PABPN1: variants seen among roughly 807,000 people sequenced by gnomAD.
The protein encoded by PABPN1 is poly(A) binding protein nuclear 1.
PABPN1 carries 5 observed loss-of-function variants against 33.4 expected under a neutral mutation model. The observed-to-expected ratio is 0.15, with a 90% CI of 0.08 to 0.32. The LOEUF (loss-of-function observed/expected upper bound fraction) is 0.32. Ranked by LOEUF, PABPN1 falls within the 10% of genes least tolerant of loss-of-function variation. The pLI, the probability that PABPN1 is intolerant of heterozygous loss-of-function variation, is 1.00. For missense variants in PABPN1, 312 were observed against 425.8 expected (o/e 0.73, Z 2.35); for synonymous variants, 176 against 170.6 (o/e 1.03, Z -0.25).
intron 2 of PABPN1, 131 bp downstream of exon 2, chr14:23,322,426 G>T: frequency 1.2e-6 from 1 of 815,506 alleles, no homozygotes. Context: ...CTGTGCCGCG[G>T]TCATAGTCCG....
chr14:23,322,963 G>A (rs760424789), intron 2 of PABPN1, 36 bp from the exon 3 acceptor site: 2 of 1,613,748 alleles, frequency 1.2e-6, no homozygotes, highest in South Asian at 2.2e-5. Flanking sequence ...GAAAACAAGT[G>A]TGTGGTTTTT....
intron 4 of PABPN1, 43 bp from the exon 5 acceptor site, chr14:23,323,922 G>T: frequency 6.2e-7 from 1 of 1,605,882 alleles, no homozygotes; most frequent in Non-Finnish European, 8.5e-7. Flanking sequence ...TGACCTGTGA[G>T]GTATTTGTAA....
At chr14:23,323,152 A>G in intron 3 of PABPN1, 86 bp downstream of exon 3, 1 of 1,579,518 alleles carries the variant, frequency 6.3e-7, no homozygotes, top group African/African-American at 1.4e-5. Context: ...CATCTCCGGG[A>G]TAGATGTGGT....
chr14:23,321,927 G>GT, intron 1 of PABPN1, 107 bp downstream of exon 1: 1 of 458,118 alleles, frequency 2.2e-6, no homozygotes, highest in Non-Finnish European at 4.0e-6. Context: ...GTTGGGCGGG[G>GT]AATAACGTGG....
In PABPN1 at chr14:23,322,999, C is replaced by T; in HGVS notation, c.467C>T (p.Ala156Val). Residue 156 changes from alanine (A) to valine (V), a missense_variant and splice_region_variant, in exon 3 of 7, where the codon GCT (alanine) becomes GTT (valine). Around this residue, in one of 3 missense-constraint regions of PABPN1, gnomAD observed 77 missense variants for 185.7 expected, o/e 0.41. Coordinates refer to ENST00000216727, the MANE Select transcript of PABPN1 (RefSeq NM_004643.4). The part of the protein sequence containing the change: ...QMNMSPPPGN[A>V]GPVIMSIEEK... ...GTAAAAAATTATTTTTTCCTGATAG[C>T]TGGCCCGGTGATCATGTCCATTGAG... 6.2e-7 allele frequency: 1 copy of T among 1,614,148 alleles called. No individual in the cohort carries two copies. The highest frequency in any genetic ancestry group is 8.5e-7 in the Non-Finnish European group (1 of 1,180,034).
At chr14:23,322,737 C>T in intron 2 of PABPN1, 1 of 530,154 alleles carries the variant, frequency 1.9e-6, no homozygotes, top group Middle Eastern at 4.9e-4. Flanking sequence ...CAAAGCCATT[C>T]ATTAGGGATT....
At chr14:23,325,207 A>G (rs1888656177) in intron 6 of PABPN1, 40 bp from the exon 7 acceptor site, 1 of 1,613,202 alleles carries the variant, frequency 6.2e-7, no homozygotes, top group South Asian at 1.1e-5. Flanking sequence ...TGAACTATCT[A>G]GTGATCACGT....
At chr14:23,325,146 C>T (rs1855681731) in intron 6 of PABPN1, 101 bp from the exon 7 acceptor site, 6 of 1,528,944 alleles carry the variant, frequency 3.9e-6, no homozygotes, top group African/African-American at 2.7e-5. Context: ...TTCTTTTCCC[C>T]CCTTCCCTTC....
intron 1 of PABPN1, 50 bp from the exon 2 acceptor site, chr14:23,322,131 T>A (rs778590544): frequency 3.2e-6 from 5 of 1,549,464 alleles, no homozygotes; most frequent in Non-Finnish European, 4.4e-6. Context: ...GCACAGCCCC[T>A]GCGTTGGTTC....
Position 23,323,009 on chromosome 14 carries a change from G to A in PABPN1, c.477G>A (p.Val159=). ...ATTTTTTCCTGATAGCTGGCCCGGTGATCATGTCCATTGAGGAGAAGATGG... is the reference window on the plus strand; with the variant it reads ...ATTTTTTCCTGATAGCTGGCCCGGTAATCATGTCCATTGAGGAGAAGATGG... ...MSPPPGNAGP[V]IMSIEEKMEA... Residue 159 remains valine, a synonymous_variant, in exon 3 of 7, where the codon GTG becomes GTA. Transcript: ENST00000216727. 1.2e-6 allele frequency: 2 copies of A among 1,614,150 alleles called. No homozygotes were observed. The highest frequency in any genetic ancestry group is 1.7e-6 in the Non-Finnish European group (2 of 1,180,034).
At position 23,325,348 on chromosome 14, in the gene PABPN1, T is replaced by TG; in HGVS notation, c.*62_*63insG. 1 of 1,409,224 alleles carries TG rather than the reference T, an allele frequency of 7.1e-7. No individual in the cohort carries two copies. The highest frequency in any genetic ancestry group is 9.3e-7 in the Non-Finnish European group (1 of 1,073,024). 87.3% of individuals were successfully genotyped at this position (1,409,224 alleles called of 1,614,324 possible). On this transcript the variant is annotated 3_prime_UTR_variant, in exon 7 of 7. Transcript: ENST00000216727. ...GAGGAAAGAAGGAAAAAAAAAAGAA[T>TG]TAAAAAAAAAAAAAAGAAAAACAGA...
chr14:23,322,969 T>C (rs776494695), intron 2 of PABPN1, 30 bp from the exon 3 acceptor site: 58 of 1,613,998 alleles, frequency 3.6e-5, no homozygotes, highest in Middle Eastern at 1.6e-4. Flanking sequence ...AAGTGTGTGG[T>C]TTTTGTAAAA....
chr14:23,323,558 A>G (rs1473895351), intron 4 of PABPN1, 75 bp downstream of exon 4: 12 of 1,386,644 alleles, frequency 8.7e-6, no homozygotes, highest in Non-Finnish European at 1.2e-5. Flanking sequence ...TATATTGAGC[A>G]GTAAGTTATT....
At chr14:23,321,917 G>T (rs1888320663) in intron 1 of PABPN1, 97 bp downstream of exon 1, 10 of 721,404 alleles carry the variant, frequency 1.4e-5, no homozygotes, top group Non-Finnish European at 2.0e-5. Flanking sequence ...GGGGGGTGGG[G>T]TTGGGCGGGG....
intron 3 of PABPN1, 35 bp downstream of exon 3, chr14:23,323,101 A>C: frequency 6.2e-7 from 1 of 1,613,158 alleles, no homozygotes. Flanking sequence ...GTTGGGGGCA[A>C]GTTCTTCTTT....
rs371234278 is a variant in PABPN1, at chr14:23,324,202, G to A, written c.794G>A (p.Arg265His). ...STTDRGFPRA[R>H]YRARTTNYNS... The stretch of plus-strand genomic sequence containing the variant: ...ACAGACCGGGGTTTTCCACGAGCCC[G>A]CTACCGCGCCCGGACCACCAACTAC... The change falls in exon 6 of 7, where the codon CGC becomes CAC. Residue 265 changes from arginine (R) to histidine (H), a missense_variant. Around this residue, in one of 3 missense-constraint regions of PABPN1, gnomAD observed 68 missense variants for 71.1 expected, o/e 0.96. Transcript: ENST00000216727. 3 of 1,614,172 alleles carry A rather than the reference G, an allele frequency of 1.9e-6. No homozygotes were observed. The highest frequency in any genetic ancestry group is 2.2e-5 in the East Asian group (1 of 44,878).
chr14:23,321,509 G>A lies in PABPN1; in HGVS notation c.40G>A (p.Ala14Thr). 8.1e-7 allele frequency: 1 copy of A among 1,232,954 alleles called. No individual in the cohort carries two copies. The highest frequency in any genetic ancestry group is 1.0e-6 in the Non-Finnish European group (1 of 986,720). The allele number at this position is 1,232,954 out of a possible 1,614,324, so 76.4% of individuals were successfully genotyped here. A position where few individuals can be genotyped will look rare whatever the true frequency, so the allele number is the denominator to read the frequency against. Residue 14 changes from alanine to threonine, a missense_variant, in exon 1 of 7, where the codon GCG (alanine) becomes ACG (threonine). Around this residue, in one of 3 missense-constraint regions of PABPN1, gnomAD observed 167 missense variants for 168.9 expected, o/e 0.99. Transcript: ENST00000216727. ...AAAAAAAAGA[A>T]GGRGSGPGRR... ...GGCGGCGGCAGCAGCAGCGGGGGCT[G>A]CGGGCGGTCGGGGCTCCGGGCCGGG...
Position 23,321,463 on chromosome 14 carries a change from A to AGCGGCGATG in PABPN1, c.1_9dup. 1.7e-6 allele frequency: 2 copies of AGCGGCGATG among 1,150,924 alleles called. No individual in the cohort carries two copies. Among genetic ancestry groups the AGCGGCGATG allele is most frequent in the Non-Finnish European group, 2.1e-6 (2 of 937,916 alleles). The allele number at this position is 1,150,924 out of a possible 1,614,324, so 71.3% of individuals were successfully genotyped here. On this transcript the variant is annotated 5_prime_UTR_variant, in exon 1 of 7. It adds an upstream start codon to the 5' untranslated region. Transcript: ENST00000216727. ...TCGCCGGGCGGCGGGCCCCAGTCTG[A>AGCGGCGATG]GCGGCGATGGCGGCGGCGGCGGCGG...
In PABPN1 at chr14:23,321,457, A is replaced by G; in HGVS notation, c.-13A>G. The G allele has an allele frequency of 1.7e-6, 2 of 1,147,234 alleles. No homozygotes were observed. The highest frequency in any genetic ancestry group is 2.1e-6 in the Non-Finnish European group (2 of 935,396). 71.1% of individuals were successfully genotyped at this position (1,147,234 alleles called of 1,614,324 possible). A position where few individuals can be genotyped will look rare whatever the true frequency, so the allele number is the denominator to read the frequency against. ...CTCCAATCGCCGGGCGGCGGGCCCCAGTCTGAGCGGCGATGGCGGCGGCGG... is the reference window on the plus strand; with the variant it reads ...CTCCAATCGCCGGGCGGCGGGCCCCGGTCTGAGCGGCGATGGCGGCGGCGG... On this transcript the variant is annotated 5_prime_UTR_variant, in exon 1 of 7. Transcript: ENST00000216727.
Sources: allele counts gnomAD v4.1 joint callset, GRCh38; gene constraint gnomAD v4.1.1; regional missense constraint gnomAD v4.1.1; transcripts MANE v1.5; gene names NCBI Gene and HGNC (gene_info 2026-07-23, HGNC 2026-07-21).